Variants in METTL8 observed in about 807,000 individuals in gnomAD.
METTL8 encodes the protein tRNA N(3)-cytidine methyltransferase METTL8, mitochondrial.
Under a neutral mutation model 48.7 loss-of-function variants are expected in METTL8, and 32 were observed. The observed-to-expected ratio is 0.66, with a 90% confidence interval of 0.50 to 0.88. The LOEUF (loss-of-function observed/expected upper bound fraction) is 0.88. METTL8 is among the 40% of genes least tolerant of loss of function. METTL8 has a pLI of 0.00. For synonymous variants in METTL8, 136 were observed against 157.1 expected, an observed-to-expected ratio of 0.87 and a Z score of 1.01; for missense variants, 464 against 474.4, an observed-to-expected ratio of 0.98 and a Z score of 0.20.
chr2:171,390,859 C>A (rs1688519922), intron 2 of METTL8, among the ~76,000 whole-genome samples: 1 of 152,102 alleles, frequency 6.6e-6, no homozygotes, highest in African/African-American at 2.4e-5. Context: ...ATAATTTAGA[C>A]AACAAAGAAT....
intron 2 of METTL8, among the ~76,000 whole-genome samples, chr2:171,361,020 T>C (rs1685110040): frequency 6.6e-6 from 1 of 152,216 alleles, no homozygotes; most frequent in Non-Finnish European, 1.5e-5. Context: ...GCTACTTTAA[T>C]TTCTGTAAAA....
chr2:171,388,964 TC>T (rs1282478065), intron 2 of METTL8, among the ~76,000 whole-genome samples: 1 of 152,216 alleles, frequency 6.6e-6, no homozygotes, highest in Admixed American at 6.5e-5. Flanking sequence ...GACCTGGCTT[TC>T]CCTGTCTATT....
chr2:171,374,087 C>T (rs371925877), intron 2 of METTL8, among the ~76,000 whole-genome samples: 20 of 152,302 alleles, frequency 1.3e-4, no homozygotes, highest in African/African-American at 3.1e-4. Context: ...GCCATTTTCA[C>T]GCTATTGATT....
chr2:171,411,318 A>G (rs984729083), intron 1 of METTL8, among the ~76,000 whole-genome samples: 3 of 152,262 alleles, frequency 2.0e-5, no homozygotes, highest in Non-Finnish European at 2.9e-5. Flanking sequence ...CTGGACAAAT[A>G]AACATGCAGG....
chr2:171,343,547 T>C (rs1186256460), intron 3 of METTL8, among the ~76,000 whole-genome samples: 1 of 152,060 alleles, frequency 6.6e-6, no homozygotes, highest in African/African-American at 2.4e-5. Context: ...CTAAAATTTA[T>C]TTTATAGTCA....
intron 3 of METTL8, among the ~76,000 whole-genome samples, chr2:171,344,506 G>GT (rs1403184572): frequency 1.3e-5 from 2 of 152,164 alleles, no homozygotes; most frequent in African/African-American, 4.8e-5. Flanking sequence ...TACAATCAGT[G>GT]TAACTACATT....
intron 3 of METTL8, among the ~76,000 whole-genome samples, chr2:171,349,818 C>G (rs1186856113): frequency 6.6e-6 from 1 of 152,086 alleles, no homozygotes; most frequent in African/African-American, 2.4e-5. Flanking sequence ...AAAGCCTTGT[C>G]AATGCCTGTC....
intron 1 of METTL8, among the ~76,000 whole-genome samples, chr2:171,425,974 T>C (rs530398496): frequency 1.4e-4 from 21 of 152,122 alleles, no homozygotes; most frequent in African/African-American, 4.8e-4. Flanking sequence ...CTAGCCAACA[T>C]AGTGAAATCT....
intron 2 of METTL8, among the ~76,000 whole-genome samples, chr2:171,374,092 T>C (rs1686684368): frequency 6.6e-6 from 1 of 152,234 alleles, no homozygotes; most frequent in Non-Finnish European, 1.5e-5. Flanking sequence ...TTTCACGCTA[T>C]TGATTCTTCC....
At chr2:171,328,873 G>A (rs1396565841) in intron 7 of METTL8, among the ~76,000 whole-genome samples, 2 of 152,120 alleles carry the variant, frequency 1.3e-5, no homozygotes, top group Non-Finnish European at 2.9e-5. Flanking sequence ...ATTTTTGGTA[G>A]AGATGGGGTT....
chr2:171,343,226 G>A (rs904617931), intron 3 of METTL8, among the ~76,000 whole-genome samples: 1 of 152,164 alleles, frequency 6.6e-6, no homozygotes, highest in African/African-American at 2.4e-5. Context: ...GATCACCTGA[G>A]GTCAGGAGCT....
intron 5 of METTL8, among the ~76,000 whole-genome samples, chr2:171,334,361 C>T (rs1040722500): frequency 6.6e-6 from 1 of 152,154 alleles, no homozygotes; most frequent in African/African-American, 2.4e-5. Flanking sequence ...CAGTGACTTT[C>T]CAGAACCTTT....
intron 3 of METTL8, among the ~76,000 whole-genome samples, chr2:171,356,455 A>T (rs1410852277): frequency 2.0e-5 from 3 of 152,168 alleles, no homozygotes; most frequent in African/African-American, 7.2e-5. Flanking sequence ...AGCTATTTTG[A>T]AATGTTCAGT....
chr2:171,390,650 T>C (rs1464259473), intron 2 of METTL8, among the ~76,000 whole-genome samples: 1 of 152,124 alleles, frequency 6.6e-6, no homozygotes, highest in Admixed American at 6.5e-5. Flanking sequence ...AGAACTAGAA[T>C]TAAAAGTGGG....
chr2:171,325,695 C>A, intron 9 of METTL8, 146 bp downstream of exon 9: 1 of 593,098 alleles, frequency 1.7e-6, no homozygotes, highest in Non-Finnish European at 3.0e-6. Flanking sequence ...TTTATGTAGA[C>A]CAGTAATAAG....
At position 171,326,134 on chromosome 2, in the gene METTL8, A is replaced by T. The variant is rs746777471; in HGVS notation, c.875T>A (p.Val292Glu). ...SIHPDRMQGV[V>E]NRLSKLLKPG... ...TTTCAGTAACTTGGACAGTCGGTTT[A>T]CAACACCTTGCATCCTTTGGAAACA... Residue 292 changes from valine to glutamate, a missense_variant, in exon 8 of 10, where the codon GTA becomes GAA. Coordinates refer to ENST00000375258, the MANE Select transcript of METTL8 (RefSeq NM_001321154.2). 6.5e-7 allele frequency: 1 copy of T among 1,535,124 alleles called. No individual in the cohort carries two copies. The highest frequency in any genetic ancestry group is 1.2e-5 in the South Asian group (1 of 83,090).
At chr2:171,342,746 T>C (rs1686902266) in intron 3 of METTL8, among the ~76,000 whole-genome samples, 1 of 152,230 alleles carries the variant, frequency 6.6e-6, no homozygotes, top group African/African-American at 2.4e-5. Flanking sequence ...ATCAAGCTAC[T>C]TGTGAAGTGT....
intron 2 of METTL8, among the ~76,000 whole-genome samples, chr2:171,362,595 A>AAATAAATC (rs1182899660): frequency 2.4e-4 from 36 of 151,284 alleles, no homozygotes; most frequent in African/African-American, 8.5e-4. Flanking sequence ...ATAAATAAAT[A>AAATAAATC]AATAAATCAA....
rs1228306320 is a variant in METTL8, at chr2:171,339,212, C to T, written c.578G>A (p.Gly193Asp). The T allele has an allele frequency of 1.3e-6, 2 of 1,551,282 alleles. No individual in the cohort carries two copies. Among genetic ancestry groups the T allele is most frequent in the Middle Eastern group, 2.0e-4 (1 of 4,964 alleles). The part of the protein sequence containing the change: ...KGPMETGLFP[G>D]SNATFRILEV... ...TAGTATCCTGAAAGTGGCATTGCTA[C>T]CAGGAAACAATCCAGTCTCCATAGG... is the stretch of plus-strand genomic sequence containing the variant. The change falls in exon 4 of 10, where the codon GGT becomes GAT. Residue 193 changes from glycine to aspartate, a missense_variant. Physicochemically the swap from Gly to Asp is moderately conservative, Grantham distance 94. Transcript: ENST00000375258.
Sources: allele counts gnomAD v4.1 joint callset (sites outside exome capture counted in the v4.1 genomes callset), GRCh38; gene constraint gnomAD v4.1.1; transcripts MANE v1.5; gene names NCBI Gene and HGNC (gene_info 2026-07-23, HGNC 2026-07-21).